CERS3: variants seen among roughly 807,000 people sequenced by gnomAD.
The protein encoded by CERS3 is LAG1 homolog, ceramide synthase 3.
In CERS3, 33 loss-of-function variants were observed where a neutral mutation model predicts 50.3. That is an observed-to-expected ratio of 0.66 (90% CI 0.50 to 0.88). The LOEUF (loss-of-function observed/expected upper bound fraction) is 0.88, where lower values mean the gene tolerates loss of function less well. CERS3 is among the 40% of genes least tolerant of loss of function. CERS3 has a pLI of 0.00. For synonymous variants in CERS3, 176 were observed against 155.2 expected (o/e 1.13, Z -0.99); for missense variants, 470 against 460.3 (o/e 1.02, Z -0.19).
At chr15:100,438,177 T>C (rs928854539) in intron 11 of CERS3, among the ~76,000 whole-genome samples, 1 of 151,270 alleles carries the variant, frequency 6.6e-6, no homozygotes, top group Non-Finnish European at 1.5e-5. Flanking sequence ...CCCAAGTGGC[T>C]GGGGTTACAG....
At chr15:100,459,458 GC>G (rs2034482354) in intron 10 of CERS3, among the ~76,000 whole-genome samples, 1 of 152,074 alleles carries the variant, frequency 6.6e-6, no homozygotes, top group Non-Finnish European at 1.5e-5. Flanking sequence ...ACAATACCTG[GC>G]CAATTTTTGT....
chr15:100,409,692 C>A (rs2031329285), intron 11 of CERS3, among the ~76,000 whole-genome samples: 2 of 152,204 alleles, frequency 1.3e-5, no homozygotes, highest in Admixed American at 6.5e-5. Flanking sequence ...TTTGAATCTA[C>A]TGGCCTCTTA....
At chr15:100,413,035 A>G (rs2031609264) in intron 11 of CERS3, among the ~76,000 whole-genome samples, 3 of 152,148 alleles carry the variant, frequency 2.0e-5, no homozygotes. Flanking sequence ...CATACTATCC[A>G]TATAACCCAA....
At chr15:100,409,159 G>A (rs1410609890) in intron 11 of CERS3, among the ~76,000 whole-genome samples, 10 of 152,238 alleles carry the variant, frequency 6.6e-5, no homozygotes, top group East Asian at 3.9e-4. Context: ...CAAGTGCCCC[G>A]TCTCGCTACA....
chr15:100,457,238 A>C (rs924701783), intron 10 of CERS3, among the ~76,000 whole-genome samples: 5 of 152,162 alleles, frequency 3.3e-5, no homozygotes, highest in African/African-American at 1.2e-4. Context: ...TATATTGTTC[A>C]ATGAATTTAA....
At chr15:100,459,877 A>G (rs1188919931) in intron 10 of CERS3, among the ~76,000 whole-genome samples, 1 of 152,004 alleles carries the variant, frequency 6.6e-6, no homozygotes, top group Non-Finnish European at 1.5e-5. Flanking sequence ...ATCTATTTAT[A>G]TCTCTTATTG....
At position 100,430,129 on chromosome 15, in the gene CERS3, G is replaced by A. The variant is rs553622663; in HGVS notation, c.999+25764C>T. ...AGATCGAGACCATCCTGGCTAACAC[G>A]GTGGAACCCTGTCTCTACTAAAAAT... On this transcript the variant is annotated intron_variant, in intron 11 of 11. Coordinates refer to ENST00000679737, the MANE Select transcript of CERS3 (RefSeq NM_001378789.1). 2.1e-3 allele frequency among the ~76,000 whole-genome samples: 324 copies of A among 151,928 alleles called. 1 individual carries two copies. The highest frequency in any genetic ancestry group is 7.4e-3 in the African/African-American group (305 of 41,440).
chr15:100,430,307 G>A (rs76622648), intron 11 of CERS3, among the ~76,000 whole-genome samples: 6 of 149,392 alleles, frequency 4.0e-5, no homozygotes, highest in Non-Finnish European at 5.9e-5. Flanking sequence ...GCGAGACTCC[G>A]TCTCAAAAAA....
At chr15:100,412,798 G>C (rs1203302519) in intron 11 of CERS3, among the ~76,000 whole-genome samples, 1 of 152,122 alleles carries the variant, frequency 6.6e-6, no homozygotes, top group East Asian at 1.9e-4. Context: ...AATTCCTTAA[G>C]AGATGATTTC....
intron 11 of CERS3, among the ~76,000 whole-genome samples, chr15:100,432,415 C>T (rs915919933): frequency 6.6e-6 from 1 of 152,174 alleles, no homozygotes; most frequent in African/African-American, 2.4e-5. Context: ...AGACAATTCC[C>T]CAGTGGAGGA....
At chr15:100,508,320 G>T (rs988761691) in intron 2 of CERS3, among the ~76,000 whole-genome samples, 3 of 151,946 alleles carry the variant, frequency 2.0e-5, no homozygotes, top group Non-Finnish European at 2.9e-5. Flanking sequence ...GCTTAAGGTG[G>T]TTTTTTTCCG....
chr15:100,479,850 T>G (rs946563346), intron 6 of CERS3, 139 bp downstream of exon 6: 6 of 676,048 alleles, frequency 8.9e-6, no homozygotes, highest in Middle Eastern at 4.1e-4. Context: ...TAGCAATATT[T>G]GAGACAAATG....
chr15:100,538,297 C>T (rs1438436276), intron 1 of CERS3, among the ~76,000 whole-genome samples: 2 of 152,232 alleles, frequency 1.3e-5, no homozygotes, highest in African/African-American at 2.4e-5. Flanking sequence ...CCTCTTCTCA[C>T]AGCTCCACTA....
intron 9 of CERS3, among the ~76,000 whole-genome samples, chr15:100,472,511 G>A (rs1257972201): frequency 6.6e-6 from 1 of 152,086 alleles, no homozygotes; most frequent in Non-Finnish European, 1.5e-5. Context: ...GGGGAGGGTG[G>A]GGGAGTGTGA....
rs371363432 is a variant in CERS3, at chr15:100,517,131, T to C, written c.-2+4536A>G. Among the ~76,000 whole-genome samples the C allele has an allele frequency of 3.3e-5, 5 of 152,332 alleles. 1 individual carries two copies. The highest frequency in any genetic ancestry group is 1.2e-4 in the African/African-American group (5 of 41,572). ...CCTGTCACTGAATAGCTAACGGATC[T>C]AGGACAAGTCAGTCTGTAAAAATAG... On this transcript the variant is annotated intron_variant, in intron 2 of 11. Coordinates refer to ENST00000679737, the MANE Select transcript of CERS3 (RefSeq NM_001378789.1).
chr15:100,473,540 C>A (rs1026491951), intron 8 of CERS3, among the ~76,000 whole-genome samples: 3 of 152,178 alleles, frequency 2.0e-5, no homozygotes, highest in African/African-American at 7.2e-5. Flanking sequence ...CCAATTCACA[C>A]ATGAAAGCAT....
At chr15:100,457,476 A>G (rs1355668078) in intron 10 of CERS3, among the ~76,000 whole-genome samples, 1 of 152,218 alleles carries the variant, frequency 6.6e-6, no homozygotes, top group Admixed American at 6.5e-5. Flanking sequence ...AATGCTTTTA[A>G]GATTCATTCA....
At chr15:100,423,614 G>C (rs1291623704) in intron 11 of CERS3, among the ~76,000 whole-genome samples, 2 of 152,120 alleles carry the variant, frequency 1.3e-5, no homozygotes, top group Admixed American at 6.5e-5. Flanking sequence ...CGGAGGGTAG[G>C]GGAAAGGTGA....
intron 2 of CERS3, chr15:100,503,718 T>C (rs763894281): frequency 1.5e-5 from 7 of 471,006 alleles, no homozygotes; most frequent in South Asian, 1.1e-4. Flanking sequence ...GCCTGGCAGC[T>C]CTTCTGGCAG....
Sources: gnomAD v4.1 joint callset for allele counts (sites outside exome capture counted in the v4.1 genomes callset) on GRCh38, gnomAD v4.1.1 for gene constraint, MANE v1.5 for transcripts, NCBI Gene and HGNC (gene_info 2026-07-23, HGNC 2026-07-21) for gene names.